Variants in SLCO2A1 observed in about 807,000 individuals in gnomAD.
SLCO2A1 encodes solute carrier organic anion transporter family member 2A1, also known as matrin F/G 1.
Under a neutral mutation model 71.7 loss-of-function variants are expected in SLCO2A1, and 60 were observed. The observed-to-expected ratio is 0.84, with a 90% CI of 0.68 to 1.04. SLCO2A1 has a LOEUF of 1.04. Ranked by LOEUF, SLCO2A1 falls within the 50% of genes least tolerant of loss-of-function variation. The pLI is 0.00. For synonymous variants in SLCO2A1, 308 were observed against 326.7 expected (o/e 0.94, Z 0.62); for missense variants, 745 against 813.4 (o/e 0.92, Z 1.02).
intron 1 of SLCO2A1, among the ~76,000 whole-genome samples, chr3:134,027,444 T>C (rs930945125): frequency 2.6e-4 from 39 of 152,234 alleles, no homozygotes; most frequent in Admixed American, 2.6e-3. Flanking sequence ...CCCAGTCACG[T>C]ACCCACTGTT....
At position 134,006,428 on chromosome 3, in the gene SLCO2A1, T is replaced by G. The variant is rs182999928; in HGVS notation, c.96+23279A>C. Among the ~76,000 whole-genome samples the G allele has an allele frequency of 2.3e-3, 343 of 152,220 alleles. 1 individual carries two copies. The highest frequency in any genetic ancestry group is 7.8e-3 in the African/African-American group (326 of 41,534). The stretch of plus-strand genomic sequence containing the variant: ...CCGTCATCCATCTCTAGAACTCTTT[T>G]CGTCTTGCAAAACTGAGACTCTATA... On this transcript the variant is annotated intron_variant, in intron 1 of 13. Coordinates refer to ENST00000310926, the MANE Select transcript of SLCO2A1 (RefSeq NM_005630.3).
intron 1 of SLCO2A1, among the ~76,000 whole-genome samples, chr3:134,019,389 T>C (rs868416903): frequency 2.1e-4 from 32 of 152,338 alleles, no homozygotes; most frequent in South Asian, 1.0e-3. Flanking sequence ...CTATTACTAT[T>C]ATTTTAATCA....
chr3:133,961,342 C>A (rs535952193), intron 3 of SLCO2A1, among the ~76,000 whole-genome samples: 4 of 151,994 alleles, frequency 2.6e-5, no homozygotes, highest in Non-Finnish European at 5.9e-5. Context: ...GAAACATCAC[C>A]GGGAAAAGAA....
Position 133,974,180 on chromosome 3 carries a change from C to T in SLCO2A1, c.235-355G>A, listed in dbSNP as rs150129104. On this transcript the variant is annotated intron_variant, in intron 2 of 13. Coordinates refer to ENST00000310926, the MANE Select transcript of SLCO2A1 (RefSeq NM_005630.3). Reference sequence around the variant, plus strand: ...AAGAAACCTCCAATTCTGGCTGGCTCCTAGGAATAAAACACATTCCCTAAT... The same window carrying T: ...AAGAAACCTCCAATTCTGGCTGGCTTCTAGGAATAAAACACATTCCCTAAT... 1.9e-3 allele frequency among the ~76,000 whole-genome samples: 282 copies of T among 152,196 alleles called. 8 individuals are homozygous for T. The highest frequency in any genetic ancestry group is 0.017 in the Admixed American group (260 of 15,286).
At chr3:133,969,010 G>A (rs1360407555) in intron 3 of SLCO2A1, among the ~76,000 whole-genome samples, 1 of 152,056 alleles carries the variant, frequency 6.6e-6, no homozygotes, top group Non-Finnish European at 1.5e-5. Flanking sequence ...AAAACACATT[G>A]CTACTCTTCC....
intron 6 of SLCO2A1, among the ~76,000 whole-genome samples, chr3:133,950,484 C>T (rs886114263): frequency 1.3e-5 from 2 of 152,158 alleles, no homozygotes; most frequent in South Asian, 4.1e-4. Flanking sequence ...CTGCATTCCC[C>T]ATCTCTCACC....
At chr3:133,948,209 A>C (rs910948965) in intron 8 of SLCO2A1, among the ~76,000 whole-genome samples, 2 of 152,170 alleles carry the variant, frequency 1.3e-5, no homozygotes, top group African/African-American at 4.8e-5. Flanking sequence ...TCTAACCTCA[A>C]ATTCAACCTT....
intron 3 of SLCO2A1, among the ~76,000 whole-genome samples, chr3:133,959,330 T>C (rs1933974763): frequency 6.6e-6 from 1 of 150,776 alleles, no homozygotes; most frequent in Non-Finnish European, 1.5e-5. Context: ...AAAGCAACCG[T>C]AATATTGCTT....
intron 8 of SLCO2A1, 78 bp downstream of exon 8, chr3:133,948,458 T>C (rs1933643534): frequency 4.0e-6 from 6 of 1,498,890 alleles, no homozygotes; most frequent in Non-Finnish European, 5.5e-6. Context: ...CCTGCGCCCA[T>C]CCCTGGATGG....
At chr3:133,990,473 T>C (rs1043978343) in intron 1 of SLCO2A1, among the ~76,000 whole-genome samples, 5 of 152,194 alleles carry the variant, frequency 3.3e-5, no homozygotes, top group East Asian at 1.9e-4. Flanking sequence ...TCAAGAAATA[T>C]GTACTTGTCA....
In SLCO2A1 at chr3:133,945,632, A is replaced by G. The variant is rs542357930; in HGVS notation, c.1296-372T>C. On this transcript the variant is annotated intron_variant, in intron 9 of 13. Coordinates refer to ENST00000310926, the MANE Select transcript of SLCO2A1 (RefSeq NM_005630.3). ...CTTCCCTCTTCTTCAGCCGAAAAAC[A>G]GTGGCTGGGACCGCTGAGGCAATCC... is the stretch of plus-strand genomic sequence containing the variant. Among the ~76,000 whole-genome samples the G allele has an allele frequency of 7.9e-5, 12 of 152,270 alleles. No individual in the cohort carries two copies. In the East Asian group the frequency reaches 2.3e-3, roughly 29 times the overall value.
chr3:133,993,405 T>C (rs573442460), intron 1 of SLCO2A1, among the ~76,000 whole-genome samples: 18 of 152,010 alleles, frequency 1.2e-4, no homozygotes, highest in Non-Finnish European at 2.2e-4. Flanking sequence ...TGAAAGAAGG[T>C]GAAAGGGAAG....
At position 133,945,185 on chromosome 3, in the gene SLCO2A1, C is replaced by G. The variant is rs199835859; in HGVS notation, c.1371G>C (p.Pro457=). Residue 457 remains proline (P), a synonymous_variant, in exon 10 of 14, where the codon CCG becomes CCC. Transcript: ENST00000310926. The part of the protein sequence containing the change: ...DCSCPDSIFH[P]VCGDNGIEYL... Reference sequence around the variant, plus strand: ...ACTCGATTCCATTGTCTCCACAGACCGGGTGGAAGATAGAATCTGGGCACG... The same window carrying G: ...ACTCGATTCCATTGTCTCCACAGACGGGGTGGAAGATAGAATCTGGGCACG... 1.3e-4 allele frequency: 203 copies of G among 1,613,952 alleles called. No homozygotes were observed. The highest frequency in any genetic ancestry group is 1.6e-4 in the Non-Finnish European group (194 of 1,180,000).
intron 5 of SLCO2A1, among the ~76,000 whole-genome samples, chr3:133,953,305 G>A (rs1933794422): frequency 6.6e-6 from 1 of 152,204 alleles, no homozygotes; most frequent in African/African-American, 2.4e-5. Flanking sequence ...CCAAAGTGCT[G>A]GGATTACAGG....
intron 3 of SLCO2A1, among the ~76,000 whole-genome samples, chr3:133,971,189 G>A (rs1934313290): frequency 6.6e-6 from 1 of 152,244 alleles, no homozygotes; most frequent in South Asian, 2.1e-4. Flanking sequence ...CAGTCTTCAC[G>A]TGACGAGAAA....
At chr3:133,961,722 C>T (rs899875141) in intron 3 of SLCO2A1, among the ~76,000 whole-genome samples, 13 of 152,148 alleles carry the variant, frequency 8.5e-5, no homozygotes, top group Non-Finnish European at 1.6e-4. Context: ...GCCCCAATTA[C>T]ATCCAAGTCT....
chr3:134,028,324 G>C (rs370001076), intron 1 of SLCO2A1, among the ~76,000 whole-genome samples: 2 of 152,088 alleles, frequency 1.3e-5, no homozygotes, highest in Admixed American at 1.3e-4. Flanking sequence ...AATACCAAAG[G>C]TTCCAAAATT....
At chr3:133,954,196 C>T in intron 4 of SLCO2A1, among the ~76,000 whole-genome samples, 1 of 110,620 alleles carries the variant, frequency 9.0e-6, no homozygotes, top group Non-Finnish European at 1.8e-5. Flanking sequence ...GAGTTTCACT[C>T]TTGTTGCCCA....
At chr3:133,990,759 GGATAAA>G (rs1934822828) in intron 1 of SLCO2A1, among the ~76,000 whole-genome samples, 1 of 152,096 alleles carries the variant, frequency 6.6e-6, no homozygotes. Flanking sequence ...AGGCCAATAA[GGATAAA>G]GAAGTGAACT....
Sources: gnomAD v4.1 joint callset for allele counts (sites outside exome capture counted in the v4.1 genomes callset) on GRCh38, gnomAD v4.1.1 for gene constraint, MANE v1.5 for transcripts, NCBI Gene and HGNC (gene_info 2026-07-23, HGNC 2026-07-21) for gene names.